PPFIBP1: variants seen among roughly 807,000 people sequenced by gnomAD.
PPFIBP1 encodes PPFIB scaffold protein 1, also known as liprin-beta-1.
Under a neutral mutation model 137.8 loss-of-function variants are expected in PPFIBP1, and 112 were observed. The ratio of observed to expected loss-of-function variants is 0.81; its 90% CI spans 0.70 to 0.95. PPFIBP1 has a LOEUF of 0.95. Among genes scored for constraint, PPFIBP1 ranks in the 40% least tolerant of loss-of-function variants. The pLI is 0.00. For missense variants in PPFIBP1, 1,083 were observed against 1,196.6 expected (o/e 0.91, Z 1.40); for synonymous variants, 378 against 417.3 (o/e 0.91, Z 1.15).
Position 27,639,662 on chromosome 12 carries a change from A to C in PPFIBP1, c.270+4547A>C, listed in dbSNP as rs368280650. 3.8e-4 allele frequency among the ~76,000 whole-genome samples: 58 copies of C among 152,384 alleles called. 1 individual carries two copies. The South Asian group carries it at 0.011, about 30-fold the overall frequency. ...CAAAGCAGGCATCATCACCCATGAG[A>C]TAGGTAAACAGGTGAAGTGAGGTGT... On this transcript the variant is annotated intron_variant, in intron 4 of 29. Transcript: ENST00000228425.
chr12:27,534,027 G>A (rs67718612), intron 1 of PPFIBP1, among the ~76,000 whole-genome samples: 25,706 of 152,180 alleles, frequency 0.17, 2,420 homozygotes, highest in Middle Eastern at 0.26. Flanking sequence ...ACTACACGGG[G>A]GCTGATGAAC....
At chr12:27,593,677 C>A in intron 2 of PPFIBP1, 1 of 561,090 alleles carries the variant, frequency 1.8e-6, no homozygotes, top group South Asian at 2.2e-5. Context: ...TTTGTCCTCT[C>A]TTTTGGGAAC....
Position 27,633,476 on chromosome 12 carries a change from T to C in PPFIBP1, c.64+16T>C, listed in dbSNP as rs565825667. On this transcript the variant is annotated intron_variant, in intron 3 of 29. Coordinates refer to ENST00000228425, the MANE Select transcript of PPFIBP1 (RefSeq NM_003622.4). ...ATCATAGCAGGTGATCTGCATCCTG[T>C]GAAAGACAGAATCACAACATTTACT... 17 of 1,606,828 alleles carry C rather than the reference T, an allele frequency of 1.1e-5. No homozygotes were observed. The South Asian group carries it at 1.9e-4, about 18-fold the overall frequency.
Position 27,650,049 on chromosome 12 carries a change from G to T in PPFIBP1, c.511G>T (p.Asp171Tyr). 1 of 1,602,058 alleles carries T rather than the reference G, an allele frequency of 6.2e-7. No individual in the cohort carries two copies. ...SRTSLETQKL[D>Y]LMAEISNLKL... ...GACATCCTTAGAAACTCAGAAGTTG[G>T]ATCTGATGGCTGAAATATCTAACTT... The change falls in exon 7 of 30, where the codon GAT becomes TAT. Residue 171 changes from aspartate (D) to tyrosine (Y), a missense_variant. Coordinates refer to ENST00000228425, the MANE Select transcript of PPFIBP1 (RefSeq NM_003622.4).
chr12:27,591,822 A>G (rs753862593), intron 2 of PPFIBP1, among the ~76,000 whole-genome samples: 15 of 152,208 alleles, frequency 9.9e-5, no homozygotes, highest in Non-Finnish European at 1.9e-4. Context: ...AGAACCTGTC[A>G]GGTACCTGGG....
intron 12 of PPFIBP1, among the ~76,000 whole-genome samples, chr12:27,665,338 T>C (rs2059797575): frequency 6.6e-6 from 1 of 152,070 alleles, no homozygotes; most frequent in South Asian, 2.1e-4. Context: ...TATGGTTGGA[T>C]TGACACAGTG....
intron 4 of PPFIBP1, among the ~76,000 whole-genome samples, chr12:27,645,275 G>A (rs1215479153): frequency 2.0e-5 from 3 of 152,172 alleles, no homozygotes; most frequent in Non-Finnish European, 4.4e-5. Context: ...TACTACGTAC[G>A]TTTCAAAGTG....
chr12:27,535,540 G>C (rs941442952), intron 1 of PPFIBP1, among the ~76,000 whole-genome samples: 1 of 151,886 alleles, frequency 6.6e-6, no homozygotes, highest in African/African-American at 2.4e-5. Context: ...AGCTTCCCAA[G>C]TAGCTGGAAC....
rs1000116080 is a variant in PPFIBP1 at position 27,592,569 on chromosome 12, A to T, written c.-36+14330A>T. Reference sequence around the variant, plus strand: ...GGGGACTCTTGGTGGCTTTCACAGGATGATACCTCCTCAGCAGAGGGGAGA... The same window carrying T: ...GGGGACTCTTGGTGGCTTTCACAGGTTGATACCTCCTCAGCAGAGGGGAGA... On this transcript the variant is annotated intron_variant, in intron 2 of 29. Coordinates refer to ENST00000228425, the MANE Select transcript of PPFIBP1 (RefSeq NM_003622.4). 2.8e-6 allele frequency: 4 copies of T among 1,438,732 alleles called. No homozygotes were observed. In the South Asian group the frequency reaches 4.6e-5, roughly 16 times the overall value. The allele number at this position is 1,438,732 out of a possible 1,614,324, so 89.1% of individuals were successfully genotyped here.
At chr12:27,557,960 G>T (rs2048838256) in intron 1 of PPFIBP1, among the ~76,000 whole-genome samples, 1 of 152,142 alleles carries the variant, frequency 6.6e-6, no homozygotes, top group Non-Finnish European at 1.5e-5. Context: ...AGATCACTTG[G>T]TTGTTTAAGG....
chr12:27,553,276 C>T (rs1262733721), intron 1 of PPFIBP1, among the ~76,000 whole-genome samples: 1 of 152,168 alleles, frequency 6.6e-6, no homozygotes, highest in African/African-American at 2.4e-5. Flanking sequence ...CTCAACAATG[C>T]CACCACTGTC....
intron 4 of PPFIBP1, among the ~76,000 whole-genome samples, chr12:27,641,514 G>A (rs373274730): frequency 3.3e-5 from 5 of 152,148 alleles, no homozygotes; most frequent in Non-Finnish European, 5.9e-5. Flanking sequence ...GTTTCATCAC[G>A]TGCATTTCTC....
At chr12:27,596,071 TACACACACAC>T (rs376577510) in intron 2 of PPFIBP1, among the ~76,000 whole-genome samples, 2 of 130,706 alleles carry the variant, frequency 1.5e-5, no homozygotes, top group Non-Finnish European at 1.6e-5. Context: ...TGGGTATAAA[TACACACACAC>T]ACACACACAC....
intron 2 of PPFIBP1, among the ~76,000 whole-genome samples, chr12:27,585,734 C>T (rs2051665464): frequency 6.6e-6 from 1 of 152,152 alleles, no homozygotes; most frequent in South Asian, 2.1e-4. Flanking sequence ...CTGCTCTGTT[C>T]TACGGAGGAG....
At chr12:27,547,877 GC>G (rs1565744610) in intron 1 of PPFIBP1, 1 of 152,132 alleles carries the variant, frequency 6.6e-6, no homozygotes, top group East Asian at 1.9e-4. Flanking sequence ...GGGTGTATTG[GC>G]CCTAAAAAGG....
intron 2 of PPFIBP1, among the ~76,000 whole-genome samples, chr12:27,595,462 T>C (rs1412724380): frequency 6.6e-6 from 1 of 151,982 alleles, no homozygotes; most frequent in East Asian, 1.9e-4. Context: ...TTGGTTACCA[T>C]GGCAACAGAA....
At chr12:27,617,773 A>G (rs1357778355) in intron 2 of PPFIBP1, among the ~76,000 whole-genome samples, 5 of 152,230 alleles carry the variant, frequency 3.3e-5, no homozygotes, top group Non-Finnish European at 7.3e-5. Context: ...ATGGATACAG[A>G]GGGCTGACTA....
intron 1 of PPFIBP1, among the ~76,000 whole-genome samples, chr12:27,563,039 G>A (rs60399623): frequency 0.099 from 15,016 of 151,302 alleles, 942 homozygotes; most frequent in South Asian, 0.28. Flanking sequence ...TGCTGTGAAG[G>A]AACTTTGCAG....
intron 4 of PPFIBP1, among the ~76,000 whole-genome samples, chr12:27,638,993 G>GGA (rs1038744271): frequency 2.0e-5 from 3 of 152,094 alleles, no homozygotes; most frequent in Non-Finnish European, 4.4e-5. Context: ...CCTGGGCCAG[G>GGA]GAGATCCCCT....
Sources: allele counts gnomAD v4.1 joint callset (sites outside exome capture counted in the v4.1 genomes callset), GRCh38; gene constraint gnomAD v4.1.1; transcripts MANE v1.5; gene names NCBI Gene and HGNC (gene_info 2026-07-23, HGNC 2026-07-21).